ZNRF1: variants seen among roughly 807,000 people sequenced by gnomAD.
The protein encoded by ZNRF1 is zinc and ring finger 1, also known as E3 ubiquitin-protein ligase ZNRF1.
Under a neutral mutation model 18.4 loss-of-function variants are expected in ZNRF1, and 3 were observed. The observed-to-expected ratio is 0.16, with a 90% CI of 0.07 to 0.42. The LOEUF (loss-of-function observed/expected upper bound fraction) is 0.42, where lower values mean the gene tolerates loss of function less well. Among genes scored for constraint, ZNRF1 ranks in the 10% least tolerant of loss-of-function variants. The probability of loss-of-function intolerance (pLI) is 0.99; values close to 1 mark genes in which losing one functional copy is unlikely to be tolerated. For synonymous variants in ZNRF1, 157 were observed against 144.2 expected (o/e 1.09, Z -0.64); for missense variants, 310 against 329.8 (o/e 0.94, Z 0.47).
intron 2 of ZNRF1, among the ~76,000 whole-genome samples, chr16:75,100,390 CT>C (rs2036242387): frequency 6.6e-6 from 1 of 152,236 alleles, no homozygotes; most frequent in Non-Finnish European, 1.5e-5. Flanking sequence ...CCCCCTTCCC[CT>C]TCCCCTTCCC....
At position 74,999,655 on chromosome 16, in the gene ZNRF1, C is replaced by T. The variant is rs1435781692; in HGVS notation, c.-17C>T. On this transcript the variant is annotated 5_prime_UTR_variant, in exon 1 of 5. Transcript: ENST00000335325. ...TCTCGGCCTCCAGGTTCCCGCCCCA[C>T]CGGGGCCCGGGCGAGCATGGGGGGC... The T allele has an allele frequency of 7.5e-7, 1 of 1,331,694 alleles. No homozygotes were observed. The highest frequency in any genetic ancestry group is 9.5e-7 in the Non-Finnish European group (1 of 1,047,256). The allele number at this position is 1,331,694 out of a possible 1,614,324, so 82.5% of individuals were successfully genotyped here.
intron 1 of ZNRF1, among the ~76,000 whole-genome samples, chr16:75,025,511 C>A (rs1320243917): frequency 6.6e-6 from 1 of 152,120 alleles, no homozygotes; most frequent in East Asian, 1.9e-4. Flanking sequence ...TTGTTAGGGA[C>A]CATATCTACC....
chr16:75,015,894 A>T (rs1249916280), intron 1 of ZNRF1, among the ~76,000 whole-genome samples: 1 of 150,886 alleles, frequency 6.6e-6, no homozygotes, highest in Non-Finnish European at 1.5e-5. Context: ...AAAGTCATCT[A>T]TCCTTGTGCT....
intron 1 of ZNRF1, among the ~76,000 whole-genome samples, chr16:75,049,359 G>T (rs745801299): frequency 6.6e-6 from 1 of 151,592 alleles, no homozygotes; most frequent in East Asian, 1.9e-4. Context: ...ACCAGGTCTC[G>T]CTCTGTTGCC....
chr16:75,022,139 C>T (rs2035158857), intron 1 of ZNRF1, among the ~76,000 whole-genome samples: 1 of 152,196 alleles, frequency 6.6e-6, no homozygotes. Context: ...CCTGTAATCC[C>T]AGCTACTTGG....
chr16:75,040,612 T>TTG (rs2035433948), intron 1 of ZNRF1, among the ~76,000 whole-genome samples: 1 of 138,538 alleles, frequency 7.2e-6, no homozygotes, highest in Admixed American at 7.3e-5. Flanking sequence ...TTTTTTTTTT[T>TTG]TTTTTTTTTT....
intron 4 of ZNRF1, 154 bp downstream of exon 4, chr16:75,106,725 G>A (rs563467651): frequency 2.4e-4 from 144 of 603,994 alleles, no homozygotes; most frequent in South Asian, 5.0e-4. Context: ...TTAGTCATCC[G>A]GAAATGATTT....
intron 1 of ZNRF1, among the ~76,000 whole-genome samples, chr16:75,052,726 C>A (rs2035621080): frequency 6.6e-6 from 1 of 152,206 alleles, no homozygotes; most frequent in Non-Finnish European, 1.5e-5. Flanking sequence ...CATATAACCA[C>A]CACCTCAACC....
chr16:75,002,565 C>T (rs895819939), intron 1 of ZNRF1, among the ~76,000 whole-genome samples: 1 of 152,190 alleles, frequency 6.6e-6, no homozygotes, highest in Non-Finnish European at 1.5e-5. Context: ...ACAAGGCCTT[C>T]TCAGAGAGCG....
intron 1 of ZNRF1, among the ~76,000 whole-genome samples, chr16:75,030,882 C>T (rs2035293610): frequency 6.7e-6 from 1 of 148,712 alleles, no homozygotes; most frequent in Non-Finnish European, 1.5e-5. Context: ...GCTCTGTCAC[C>T]CAGGCTGGAG....
chr16:75,054,932 C>T (rs1046505429), intron 1 of ZNRF1, among the ~76,000 whole-genome samples: 2 of 152,224 alleles, frequency 1.3e-5, no homozygotes, highest in African/African-American at 4.8e-5. Context: ...TTGGTCTTTT[C>T]TCCTGTCTAG....
At chr16:75,075,465 G>C (rs894593491) in intron 1 of ZNRF1, among the ~76,000 whole-genome samples, 1 of 152,222 alleles carries the variant, frequency 6.6e-6, no homozygotes, top group Non-Finnish European at 1.5e-5. Flanking sequence ...CCTCGCTGTG[G>C]TATGGCAGTT....
At chr16:75,062,472 A>G (rs537197634) in intron 1 of ZNRF1, among the ~76,000 whole-genome samples, 1 of 152,394 alleles carries the variant, frequency 6.6e-6, no homozygotes, top group South Asian at 2.1e-4. Flanking sequence ...TAAGTCAAAG[A>G]GAGTGCAAAT....
chr16:75,043,790 C>CTTTTTTTTTTTTTT lies in ZNRF1; in HGVS notation c.424+43698_424+43711dup, dbSNP rs59324869. Among the ~76,000 whole-genome samples, 224 of 75,150 alleles carry CTTTTTTTTTTTTTT rather than the reference C, an allele frequency of 3.0e-3. 33 individuals are homozygous for CTTTTTTTTTTTTTT. Among genetic ancestry groups the CTTTTTTTTTTTTTT allele is most frequent in the Non-Finnish European group, 3.4e-3 (130 of 38,390 alleles). 49.3% of individuals were successfully genotyped at this position (75,150 alleles called of 152,430 possible). ...AGGAGCCAGCCATTCTTGCTTTGTA[C>CTTTTTTTTTTTTTT]TTTTTTTTTTTTTTTTGAGACAGAG... On this transcript the variant is annotated intron_variant, in intron 1 of 4. Transcript: ENST00000335325.
intron 1 of ZNRF1, among the ~76,000 whole-genome samples, chr16:75,068,641 G>C (rs2035832960): frequency 6.6e-6 from 1 of 152,230 alleles, no homozygotes; most frequent in Admixed American, 6.5e-5. Flanking sequence ...CCAGGTGTGT[G>C]TGAGGGCCTC....
In ZNRF1 at chr16:74,999,692, G is replaced by C. The variant is rs554710184; in HGVS notation, c.21G>C (p.Thr7=). The C allele has an allele frequency of 7.4e-7, 1 of 1,360,450 alleles. No individual in the cohort carries two copies. The highest frequency in any genetic ancestry group is 9.4e-7 in the Non-Finnish European group (1 of 1,062,896). 84.3% of individuals were successfully genotyped at this position (1,360,450 alleles called of 1,614,324 possible). MGGKQS[T]AARSRGPFPG... The stretch of plus-strand genomic sequence containing the variant: ...CGAGCATGGGGGGCAAGCAGAGCAC[G>C]GCGGCCCGCTCCCGGGGCCCCTTCC... Residue 7 remains threonine (T), a synonymous_variant, in exon 1 of 5, where the codon ACG becomes ACC. Coordinates refer to ENST00000335325, the MANE Select transcript of ZNRF1 (RefSeq NM_032268.5).
At chr16:75,021,963 T>G (rs2035155504) in intron 1 of ZNRF1, among the ~76,000 whole-genome samples, 1 of 152,242 alleles carries the variant, frequency 6.6e-6, no homozygotes, top group Admixed American at 6.5e-5. Context: ...TTGGGCCTTC[T>G]GTCTGCCTTC....
intron 1 of ZNRF1, among the ~76,000 whole-genome samples, chr16:75,075,392 C>T (rs1237354752): frequency 6.6e-6 from 1 of 152,236 alleles, no homozygotes; most frequent in Non-Finnish European, 1.5e-5. Context: ...CAGGAAGCAG[C>T]ATGACCGCAG....
intron 1 of ZNRF1, among the ~76,000 whole-genome samples, chr16:75,071,098 C>CTTTTTTTTTT (rs56690008): frequency 7.0e-6 from 1 of 143,468 alleles, no homozygotes. Flanking sequence ...GCACAGGTGT[C>CTTTTTTTTTT]TTTTTTTTTT....
Sources: gnomAD v4.1 joint callset for allele counts (sites outside exome capture counted in the v4.1 genomes callset) on GRCh38, gnomAD v4.1.1 for gene constraint, MANE v1.5 for transcripts, NCBI Gene and HGNC (gene_info 2026-07-23, HGNC 2026-07-21) for gene names.